CDH12: variants seen among roughly 807,000 people sequenced by gnomAD.
The protein encoded by CDH12 is cadherin-12.
Under a neutral mutation model 74.1 loss-of-function variants are expected in CDH12, and 41 were observed. The ratio of observed to expected loss-of-function variants is 0.55; its 90% CI spans 0.43 to 0.72. CDH12 has a LOEUF of 0.72. CDH12 is among the 30% of genes least tolerant of loss of function. The pLI, the probability that CDH12 is intolerant of heterozygous loss-of-function variation, is 0.00. For synonymous variants in CDH12, 399 were observed against 355.0 expected (o/e 1.12, Z -1.39); for missense variants, 945 against 977.2 (o/e 0.97, Z 0.44).
At chr5:22,823,895 A>G (rs1215569306) in intron 1 of CDH12, among the ~76,000 whole-genome samples, 1 of 152,162 alleles carries the variant, frequency 6.6e-6, no homozygotes, top group Non-Finnish European at 1.5e-5. Flanking sequence ...TCTTTTCTTT[A>G]TAAACTACCC....
chr5:21,994,146 G>C (rs1347129510), intron 5 of CDH12, among the ~76,000 whole-genome samples: 1 of 151,408 alleles, frequency 6.6e-6, no homozygotes, highest in Admixed American at 6.6e-5. Flanking sequence ...AAGAGTCTTA[G>C]GTCTGGCCAA....
At chr5:22,390,697 T>C (rs1742211212) in intron 3 of CDH12, among the ~76,000 whole-genome samples, 1 of 152,098 alleles carries the variant, frequency 6.6e-6, no homozygotes, top group African/African-American at 2.4e-5. Flanking sequence ...AGCAGCTGGT[T>C]TGACAATGGC....
intron 1 of CDH12, among the ~76,000 whole-genome samples, chr5:22,728,105 A>C (rs1744252655): frequency 1.3e-5 from 2 of 151,742 alleles, no homozygotes; most frequent in Admixed American, 1.3e-4. Flanking sequence ...ATATATATTA[A>C]ATCTCTTGCA....
chr5:22,655,200 C>G (rs1739970300), intron 1 of CDH12, among the ~76,000 whole-genome samples: 1 of 152,172 alleles, frequency 6.6e-6, no homozygotes, highest in Non-Finnish European at 1.5e-5. Context: ...TTTTAACTGG[C>G]AATGCCCTGG....
At chr5:21,916,884 A>G (rs914803316) in intron 6 of CDH12, among the ~76,000 whole-genome samples, 5 of 152,116 alleles carry the variant, frequency 3.3e-5, no homozygotes, top group Non-Finnish European at 7.3e-5. Flanking sequence ...AATGAGTTTC[A>G]CTCACGTAGG....
chr5:22,564,830 G>C (rs1046454373), intron 1 of CDH12, among the ~76,000 whole-genome samples: 5 of 152,138 alleles, frequency 3.3e-5, no homozygotes, highest in African/African-American at 1.2e-4. Flanking sequence ...AGTAGCTTCT[G>C]AATCTTGGTT....
chr5:22,612,691 A>G (rs1340074043), intron 1 of CDH12, among the ~76,000 whole-genome samples: 1 of 151,982 alleles, frequency 6.6e-6, no homozygotes, highest in African/African-American at 2.4e-5. Flanking sequence ...AGTATTTTTG[A>G]CTGTCTGGTG....
chr5:22,221,007 C>T (rs1561232902), intron 3 of CDH12, among the ~76,000 whole-genome samples: 1 of 151,390 alleles, frequency 6.6e-6, no homozygotes. Context: ...CACACACACA[C>T]AGACACACAC....
At chr5:21,996,555 T>C (rs957062606) in intron 5 of CDH12, among the ~76,000 whole-genome samples, 3 of 152,144 alleles carry the variant, frequency 2.0e-5, no homozygotes, top group Non-Finnish European at 2.9e-5. Context: ...GAAATCAGAA[T>C]AGAAACTGGG....
intron 1 of CDH12, among the ~76,000 whole-genome samples, chr5:22,681,772 T>C (rs1741505397): frequency 6.6e-6 from 1 of 152,138 alleles, no homozygotes; most frequent in Non-Finnish European, 1.5e-5. Context: ...GGTAATTTCT[T>C]ACGCTAGGTT....
intron 1 of CDH12, among the ~76,000 whole-genome samples, chr5:22,699,493 CAT>C (rs942776688): frequency 7.2e-5 from 11 of 152,036 alleles, no homozygotes; most frequent in African/African-American, 2.7e-4. Context: ...GAAATAAAAG[CAT>C]AGTCAGACAG....
At chr5:22,324,407 A>G (rs1037907597) in intron 3 of CDH12, among the ~76,000 whole-genome samples, 3 of 151,990 alleles carry the variant, frequency 2.0e-5, no homozygotes, top group Non-Finnish European at 4.4e-5. Context: ...TGTTTTTACT[A>G]CTTTATTTAG....
chr5:22,543,700 G>A (rs974013054), intron 1 of CDH12, among the ~76,000 whole-genome samples: 2 of 152,122 alleles, frequency 1.3e-5, no homozygotes, highest in African/African-American at 4.8e-5. Flanking sequence ...TTGTCATGTG[G>A]TCTGAACCAC....
At chr5:21,771,445 G>A (rs2149883811) in intron 11 of CDH12, among the ~76,000 whole-genome samples, 1 of 152,118 alleles carries the variant, frequency 6.6e-6, no homozygotes, top group African/African-American at 2.4e-5. Flanking sequence ...GCTAGTCTGG[G>A]GAATCCATAA....
At chr5:21,761,742 TATAGATAGATAGATAGATAG>T (rs5866522) in intron 12 of CDH12, among the ~76,000 whole-genome samples, 1 of 147,346 alleles carries the variant, frequency 6.8e-6, no homozygotes, top group African/African-American at 2.5e-5. Context: ...GATGGATAGA[TATAGATAGATAGATAGATAG>T]ATAGATAGAT....
chr5:21,837,868 T>C (rs1749628095), intron 8 of CDH12, among the ~76,000 whole-genome samples: 1 of 152,090 alleles, frequency 6.6e-6, no homozygotes, highest in African/African-American at 2.4e-5. Context: ...CCCGTTATAG[T>C]TTCAGACAAT....
intron 3 of CDH12, among the ~76,000 whole-genome samples, chr5:22,296,587 C>G (rs1737632828): frequency 6.6e-6 from 1 of 152,112 alleles, no homozygotes; most frequent in African/African-American, 2.4e-5. Flanking sequence ...ATTGAACTTA[C>G]TAAATAGGAA....
At chr5:22,272,401 T>C (rs761213667) in intron 3 of CDH12, among the ~76,000 whole-genome samples, 1 of 152,222 alleles carries the variant, frequency 6.6e-6, no homozygotes, top group Non-Finnish European at 1.5e-5. Flanking sequence ...ACTTCCTCCC[T>C]ATCAGCAGTA....
Position 21,975,396 on chromosome 5 carries a change from G to A in CDH12, c.232-11C>T. On this transcript the variant is annotated splice_polypyrimidine_tract_variant and intron_variant, in intron 5 of 14. Coordinates refer to ENST00000382254, the MANE Select transcript of CDH12 (RefSeq NM_004061.5). ...TAAGTCGGAATGGAGCTTTAGGGAAGAGAAGGAGAGAGAGAGGAAGAGAAA... is the reference window on the plus strand; with the variant it reads ...TAAGTCGGAATGGAGCTTTAGGGAAAAGAAGGAGAGAGAGAGGAAGAGAAA... 2 of 1,557,358 alleles carry A rather than the reference G, an allele frequency of 1.3e-6. No homozygotes were observed. The highest frequency in any genetic ancestry group is 1.7e-6 in the Non-Finnish European group (2 of 1,159,694).
Sources: gnomAD v4.1 joint callset for allele counts (sites outside exome capture counted in the v4.1 genomes callset) on GRCh38, gnomAD v4.1.1 for gene constraint, MANE v1.5 for transcripts, NCBI Gene and HGNC (gene_info 2026-07-23, HGNC 2026-07-21) for gene names.